ATP6V0A4: variants seen among roughly 807,000 people sequenced by gnomAD.
ATP6V0A4 encodes V-type proton ATPase 116 kDa subunit a 4.
ATP6V0A4 carries 86 observed loss-of-function variants against 107.3 expected under a neutral mutation model. The observed-to-expected ratio is 0.80, with a 90% CI of 0.67 to 0.96. ATP6V0A4 has a LOEUF of 0.96. Ranked by LOEUF, ATP6V0A4 falls within the 40% of genes least tolerant of loss-of-function variation. The probability of loss-of-function intolerance (pLI) is 0.00; values close to 1 mark genes in which losing one functional copy is unlikely to be tolerated. For missense variants in ATP6V0A4, 908 were observed against 1,045.6 expected, an observed-to-expected ratio of 0.87 and a Z score of 1.81; for synonymous variants, 353 against 381.4, an observed-to-expected ratio of 0.93 and a Z score of 0.87.
At chr7:138,771,569 C>T (rs1344233056) in intron 2 of ATP6V0A4, among the ~76,000 whole-genome samples, 6 of 151,772 alleles carry the variant, frequency 4.0e-5, no homozygotes, top group Non-Finnish European at 8.8e-5. Context: ...GCCCAGCTAT[C>T]CTGATTCTAA....
chr7:138,716,013 T>C, intron 19 of ATP6V0A4, 132 bp from the exon 20 acceptor site: 1 of 1,249,858 alleles, frequency 8.0e-7, no homozygotes, highest in Non-Finnish European at 1.1e-6. Flanking sequence ...GGAAAAGAAA[T>C]AGTAATAGAC....
At chr7:138,718,581 G>GC (rs1804249715) in intron 19 of ATP6V0A4, among the ~76,000 whole-genome samples, 3 of 99,530 alleles carry the variant, frequency 3.0e-5, no homozygotes, top group African/African-American at 4.2e-5. Flanking sequence ...GAGAGGCATG[G>GC]GGCGGAATGG....
intron 10 of ATP6V0A4, 120 bp downstream of exon 10, chr7:138,755,569 A>G (rs1806468249): frequency 7.4e-7 from 1 of 1,352,640 alleles, no homozygotes; most frequent in African/African-American, 1.4e-5. Flanking sequence ...CCAGAAAGGC[A>G]TAGCCAGCAT....
At chr7:138,781,045 C>T (rs1276460507) in intron 2 of ATP6V0A4, among the ~76,000 whole-genome samples, 1 of 152,198 alleles carries the variant, frequency 6.6e-6, no homozygotes, top group African/African-American at 2.4e-5. Flanking sequence ...TATTCTTGCT[C>T]ACTAGGTCCA....
At chr7:138,775,742 C>T (rs1807630346) in intron 2 of ATP6V0A4, among the ~76,000 whole-genome samples, 1 of 150,068 alleles carries the variant, frequency 6.7e-6, no homozygotes, top group African/African-American at 2.5e-5. Context: ...GCTCTGCCTC[C>T]TGGGTTCACG....
Position 138,798,085 on chromosome 7 carries a change from C to T in ATP6V0A4, c.-172G>A. The T allele has an allele frequency of 6.3e-7, 1 of 1,587,280 alleles. No homozygotes were observed. Among genetic ancestry groups the T allele is most frequent in the African/African-American group, 1.3e-5 (1 of 74,486 alleles). ...GCAGGACCGGCTCACCTGCACCGGG[C>T]ACTCAGCACAGCCTCCAGCATGCAG... is the stretch of plus-strand genomic sequence containing the variant. On this transcript the variant is annotated 5_prime_UTR_variant, in exon 1 of 22. Coordinates refer to ENST00000310018, the MANE Select transcript of ATP6V0A4 (RefSeq NM_020632.3).
Position 138,739,599 on chromosome 7 carries a change from G to A in ATP6V0A4, c.1513C>T (p.Leu505=). The change falls in exon 15 of 22, where the codon CTG becomes TTG. Residue 505 remains leucine, a synonymous_variant. Transcript: ENST00000310018. The stretch of plus-strand genomic sequence containing the variant: ...TACACTCCTGGTATGGCTGGGTCCA[G>A]CTGCAGATATAGACTTTCCTCCATT... The part of the protein sequence containing the change: ...HVMEESLYLQ[L]DPAIPGVYFG... 14 of 1,614,182 alleles carry A rather than the reference G, an allele frequency of 8.7e-6. No homozygotes were observed. Among genetic ancestry groups the A allele is most frequent in the Non-Finnish European group, 1.1e-5 (13 of 1,180,032 alleles).
chr7:138,768,153 C>G (rs1469623469), intron 5 of ATP6V0A4, among the ~76,000 whole-genome samples: 2 of 152,088 alleles, frequency 1.3e-5, no homozygotes, highest in Admixed American at 1.3e-4. Context: ...AGGCTGGTCT[C>G]GAATTCCTGA....
At chr7:138,714,287 G>A (rs1205149639) in intron 20 of ATP6V0A4, among the ~76,000 whole-genome samples, 1 of 151,518 alleles carries the variant, frequency 6.6e-6, no homozygotes, top group African/African-American at 2.4e-5. Flanking sequence ...AAACGGATGG[G>A]TCTGGAGTGC....
At chr7:138,713,159 G>T (rs1803835070) in intron 20 of ATP6V0A4, among the ~76,000 whole-genome samples, 1 of 150,884 alleles carries the variant, frequency 6.6e-6, no homozygotes, top group Admixed American at 6.6e-5. Flanking sequence ...AAAAAAATTA[G>T]CTGGGCATGG....
intron 5 of ATP6V0A4, among the ~76,000 whole-genome samples, chr7:138,768,261 G>A (rs896558722): frequency 3.3e-5 from 5 of 152,124 alleles, no homozygotes; most frequent in Non-Finnish European, 7.3e-5. Context: ...AAGACTGAAG[G>A]GGAAGGAAAT....
At chr7:138,789,129 A>T (rs1042845603) in intron 1 of ATP6V0A4, among the ~76,000 whole-genome samples, 2 of 151,936 alleles carry the variant, frequency 1.3e-5, no homozygotes, top group African/African-American at 4.8e-5. Context: ...ATGTCTGTAC[A>T]TTCCATTGTG....
At chr7:138,779,415 T>C (rs1807824948) in intron 2 of ATP6V0A4, among the ~76,000 whole-genome samples, 1 of 152,100 alleles carries the variant, frequency 6.6e-6, no homozygotes, top group Non-Finnish European at 1.5e-5. Flanking sequence ...GGAATATCTG[T>C]CTTCTTTACT....
At chr7:138,778,914 T>C (rs1807797105) in intron 2 of ATP6V0A4, among the ~76,000 whole-genome samples, 1 of 152,138 alleles carries the variant, frequency 6.6e-6, no homozygotes, top group African/African-American at 2.4e-5. Context: ...GAAGATCACA[T>C]GCAGAGCAGT....
intron 1 of ATP6V0A4, among the ~76,000 whole-genome samples, chr7:138,787,740 G>A (rs114215148): frequency 2.8e-3 from 425 of 152,306 alleles, no homozygotes; most frequent in African/African-American, 9.1e-3. Flanking sequence ...ACTCACACCT[G>A]TAATCCCAGC....
At chr7:138,726,058 C>T (rs571042909) in intron 18 of ATP6V0A4, among the ~76,000 whole-genome samples, 21 of 152,148 alleles carry the variant, frequency 1.4e-4, no homozygotes, top group Middle Eastern at 3.4e-3. Flanking sequence ...GGTGCAATTT[C>T]GGCTCACTGC....
rs1358918963 is a variant in ATP6V0A4, at chr7:138,784,235, CGTATATATATATATAT to C, written c.-18+1907_-18+1922del. Among the ~76,000 whole-genome samples the C allele has an allele frequency of 5.2e-3, 477 of 91,034 alleles. 21 individuals carry two copies. The highest frequency in any genetic ancestry group is 0.03 in the African/African-American group (455 of 15,054). 59.7% of individuals were successfully genotyped at this position (91,034 alleles called of 152,430 possible). A position where few individuals can be genotyped will look rare whatever the true frequency, so the allele number is the denominator to read the frequency against. On this transcript the variant is annotated intron_variant, in intron 2 of 21. Coordinates refer to ENST00000310018, the MANE Select transcript of ATP6V0A4 (RefSeq NM_020632.3). The stretch of plus-strand genomic sequence containing the variant: ...AACATTATATATATATATATATATA[CGTATATATATATATAT>C]ACATATATATATATACATATATATA...
intron 7 of ATP6V0A4, 119 bp from the exon 8 acceptor site, chr7:138,759,997 G>A: frequency 6.4e-7 from 1 of 1,557,942 alleles, no homozygotes; most frequent in African/African-American, 1.4e-5. Flanking sequence ...GTGAGCAGGA[G>A]GGACCCCGAC....
At chr7:138,749,398 C>T (rs1806120350) in intron 11 of ATP6V0A4, 81 bp from the exon 12 acceptor site, 4 of 1,538,788 alleles carry the variant, frequency 2.6e-6, no homozygotes, top group African/African-American at 1.4e-5. Context: ...ACAGTCCCAG[C>T]TCCTGCCGTC....
Sources: gnomAD v4.1 joint callset for allele counts (sites outside exome capture counted in the v4.1 genomes callset) on GRCh38, gnomAD v4.1.1 for gene constraint, MANE v1.5 for transcripts, NCBI Gene and HGNC (gene_info 2026-07-23, HGNC 2026-07-21) for gene names.